The following EFCAB6 variants were observed in gnomAD, a reference collection of about 807,000 sequenced individuals.
The protein encoded by EFCAB6 is EF-hand calcium-binding domain-containing protein 6.
Under a neutral mutation model 169.8 loss-of-function variants are expected in EFCAB6, and 156 were observed. That is an observed-to-expected ratio of 0.92 (90% CI 0.81 to 1.05). The LOEUF (loss-of-function observed/expected upper bound fraction) is 1.05. Ranked by LOEUF, EFCAB6 falls within the 50% of genes least tolerant of loss-of-function variation. The probability of loss-of-function intolerance (pLI) is 0.00; values close to 1 mark genes in which losing one functional copy is unlikely to be tolerated. For missense variants in EFCAB6, 1,800 were observed against 1,829.1 expected, an observed-to-expected ratio of 0.98 and a Z score of 0.29; for synonymous variants, 698 against 676.4, an observed-to-expected ratio of 1.03 and a Z score of -0.50.
intron 28 of EFCAB6, 151 bp downstream of exon 28, chr22:43,539,976 G>T: frequency 1.3e-6 from 1 of 786,220 alleles, no homozygotes; most frequent in Non-Finnish European, 2.0e-6. Flanking sequence ...GGACCTGCCA[G>T]TGGGATCCTT....
At chr22:43,807,702 G>A (rs766753428) in intron 2 of EFCAB6, among the ~76,000 whole-genome samples, 3 of 152,116 alleles carry the variant, frequency 2.0e-5, no homozygotes, top group Admixed American at 6.5e-5. Context: ...ATTATCACTC[G>A]ACTAAATTGG....
At chr22:43,631,794 G>A (rs2054964583) in intron 19 of EFCAB6, among the ~76,000 whole-genome samples, 1 of 151,996 alleles carries the variant, frequency 6.6e-6, no homozygotes, top group Admixed American at 6.5e-5. Flanking sequence ...ATGAGGGAAT[G>A]GATGAACGCG....
chr22:43,588,792 A>G (rs2051250566), intron 24 of EFCAB6, among the ~76,000 whole-genome samples: 1 of 152,228 alleles, frequency 6.6e-6, no homozygotes, highest in Admixed American at 6.5e-5. Flanking sequence ...GAGAATAAGT[A>G]CATAGGAAAC....
Position 43,765,389 on chromosome 22 carries a change from G to C in EFCAB6, c.356C>G (p.Pro119Arg). Residue 119 changes from proline to arginine, a missense_variant, in exon 5 of 32, where the codon CCC becomes CGC. Physicochemically the swap from Pro to Arg is moderately radical, Grantham distance 103 (BLOSUM62 -2). Coordinates refer to ENST00000262726, the MANE Select transcript of EFCAB6 (RefSeq NM_022785.4). ...CGGTACAGTACCAGAGGTGCTAAGG[G>C]GGATCTACAGTCAAGGGAGAAGAAT... ...EQFQDVLAQI[P>R]LSTSGTVPYL... 2 of 1,610,682 alleles carry C rather than the reference G, an allele frequency of 1.2e-6. No homozygotes were observed. Among genetic ancestry groups the C allele is most frequent in the African/African-American group, 2.7e-5 (2 of 74,870 alleles).
intron 6 of EFCAB6, among the ~76,000 whole-genome samples, chr22:43,743,956 A>C (rs1012253399): frequency 1.3e-5 from 2 of 150,354 alleles, no homozygotes; most frequent in African/African-American, 4.9e-5. Flanking sequence ...AGATGGGTGA[A>C]CGGATGGGTG....
chr22:43,624,056 C>T (rs1339333852), intron 20 of EFCAB6, among the ~76,000 whole-genome samples: 1 of 152,166 alleles, frequency 6.6e-6, no homozygotes, highest in South Asian at 2.1e-4. Flanking sequence ...CCCTGCCCCA[C>T]TGCTCATTAT....
At chr22:43,698,827 G>A (rs760639945) in intron 10 of EFCAB6, among the ~76,000 whole-genome samples, 1 of 152,140 alleles carries the variant, frequency 6.6e-6, no homozygotes, top group Non-Finnish European at 1.5e-5. Context: ...TGGAGGAAGG[G>A]CATTTACAAT....
chr22:43,544,223 T>G (rs2047910799), intron 27 of EFCAB6, among the ~76,000 whole-genome samples: 1 of 152,128 alleles, frequency 6.6e-6, no homozygotes, highest in Non-Finnish European at 1.5e-5. Context: ...ATATCCACTA[T>G]GGTCCCCTCA....
intron 6 of EFCAB6, among the ~76,000 whole-genome samples, chr22:43,741,518 T>C (rs553512154): frequency 6.6e-6 from 1 of 152,352 alleles, no homozygotes; most frequent in South Asian, 2.1e-4. Flanking sequence ...TTTTTCTTCT[T>C]AGCATTCATC....
chr22:43,667,091 C>G lies in EFCAB6; in HGVS notation c.1983+13G>C, dbSNP rs1217070843. 6.2e-7 allele frequency: 1 copy of G among 1,609,134 alleles called. No homozygotes were observed. Among genetic ancestry groups the G allele is most frequent in the African/African-American group, 1.3e-5 (1 of 74,542 alleles). On this transcript the variant is annotated intron_variant, in intron 17 of 31. Coordinates refer to ENST00000262726, the MANE Select transcript of EFCAB6 (RefSeq NM_022785.4). ...TCTGCAGGATAGAAACAAAGAGAAA[C>G]CCATTCTCCTACCTTCTTAAAGTCA...
intron 3 of EFCAB6, among the ~76,000 whole-genome samples, chr22:43,775,567 C>T (rs2061613490): frequency 6.6e-6 from 1 of 152,182 alleles, no homozygotes. Flanking sequence ...CTCAGCCTCC[C>T]GAGTAGCTGT....
At chr22:43,705,955 G>C (rs749692858) in intron 10 of EFCAB6, among the ~76,000 whole-genome samples, 7 of 151,926 alleles carry the variant, frequency 4.6e-5, no homozygotes, top group Non-Finnish European at 1.0e-4. Flanking sequence ...TTGGCTTTTT[G>C]AAAAGATAAA....
intron 15 of EFCAB6, among the ~76,000 whole-genome samples, chr22:43,669,578 T>G (rs137765): frequency 0.12 from 18,259 of 152,100 alleles, 1,141 homozygotes; most frequent in Admixed American, 0.13. Context: ...GAGGGAGTGA[T>G]GATGAATTGC....
rs533750601 is a variant in EFCAB6, at chr22:43,537,053, T to C, written c.4048+324A>G. On this transcript the variant is annotated intron_variant, in intron 29 of 31. Transcript: ENST00000262726. The surrounding 1 kb of genome is among the most constrained non-coding windows in gnomAD (Gnocchi z 4.3). ...CCTTCATCCCGCCCTCCTCCACCTT[T>C]TCCATTTCCTTCTGCAGTCAGAGTC... 8.2e-5 allele frequency: 18 copies of C among 219,084 alleles called. No individual in the cohort carries two copies. The highest frequency in any genetic ancestry group is 1.4e-4 in the Non-Finnish European group (16 of 111,500). The allele number at this position is 219,084 out of a possible 1,614,324, so 13.6% of individuals were successfully genotyped here.
At position 43,614,653 on chromosome 22, in the gene EFCAB6, G is replaced by A. The variant is rs2053568799; in HGVS notation, c.2562+1173C>T. Among the ~76,000 whole-genome samples the A allele has an allele frequency of 4.6e-5, 7 of 152,202 alleles. No individual in the cohort carries two copies. The South Asian group carries it at 1.5e-3, about 32-fold the overall frequency. The stretch of plus-strand genomic sequence containing the variant: ...AACCTAGAGGGCTGCTCTGAAAGTG[G>A]GCCACACAGAGCTCCAGTCTGTGGG... On this transcript the variant is annotated intron_variant, in intron 21 of 31. Coordinates refer to ENST00000262726, the MANE Select transcript of EFCAB6 (RefSeq NM_022785.4).
chr22:43,608,642 G>T, intron 21 of EFCAB6, 42 bp from the exon 22 acceptor site: 1 of 1,573,178 alleles, frequency 6.4e-7, no homozygotes, highest in Non-Finnish European at 8.7e-7. Context: ...TGTGAAATGT[G>T]CGTATGACAG....
In EFCAB6 at chr22:43,637,543, G is replaced by A. The variant is rs145214088; in HGVS notation, c.1984-2327C>T. ...TGGAGGTTAACAGTAAACAGGCTGT[G>A]TGTGGCTAGTGCCGGGCCAGCAGGT... On this transcript the variant is annotated intron_variant, in intron 17 of 31. Coordinates refer to ENST00000262726, the MANE Select transcript of EFCAB6 (RefSeq NM_022785.4). Among the ~76,000 whole-genome samples the A allele has an allele frequency of 1.7e-3, 266 of 152,340 alleles. 1 individual carries two copies. The highest frequency in any genetic ancestry group is 6.3e-3 in the African/African-American group (264 of 41,582).
intron 9 of EFCAB6, 84 bp from the exon 10 acceptor site, chr22:43,711,707 C>G (rs533826378): frequency 1.7e-5 from 25 of 1,499,632 alleles, no homozygotes; most frequent in Admixed American, 2.7e-5. Flanking sequence ...TACCAAAAAC[C>G]TCTTCAAATT....
chr22:43,627,384 GAC>G (rs1489680922), intron 19 of EFCAB6, among the ~76,000 whole-genome samples: 2 of 152,228 alleles, frequency 1.3e-5, no homozygotes, highest in African/African-American at 4.8e-5. Context: ...CTAGCAACGT[GAC>G]CATGGGTGAG....
Sources: gnomAD v4.1 joint callset for allele counts (sites outside exome capture counted in the v4.1 genomes callset) on GRCh38, gnomAD v4.1.1 for gene constraint, Gnocchi (gnomAD v3.1) non-coding constraint, MANE v1.5 for transcripts, NCBI Gene and HGNC (gene_info 2026-07-23, HGNC 2026-07-21) for gene names.